RYR3: variants seen among roughly 807,000 people sequenced by gnomAD.
RYR3 encodes ryanodine receptor 3.
Under a neutral mutation model 584.3 loss-of-function variants are expected in RYR3, and 207 were observed. The ratio of observed to expected loss-of-function variants is 0.35; its 90% CI spans 0.32 to 0.40. RYR3 has a LOEUF of 0.40. Ranked by LOEUF, RYR3 falls within the 10% of genes least tolerant of loss-of-function variation. The pLI is 1.00. For missense variants in RYR3, 5,616 were observed against 6,089.2 expected, an observed-to-expected ratio of 0.92 and a Z score of 2.59; for synonymous variants, 2,416 against 2,248.5, an observed-to-expected ratio of 1.07 and a Z score of -2.11.
In RYR3 at chr15:33,562,392, A is replaced by T. The variant is rs1394417621; in HGVS notation, c.973-445A>T. 1.1e-4 allele frequency among the ~76,000 whole-genome samples: 17 copies of T among 152,346 alleles called. No individual in the cohort carries two copies. In the East Asian group the frequency reaches 3.1e-3, roughly 28 times the overall value. On this transcript the variant is annotated intron_variant, in intron 10 of 103. Transcript: ENST00000634891. The stretch of plus-strand genomic sequence containing the variant: ...TTATAAGAAATTTTTACATGAAATC[A>T]ATAGATATGATGAAAGCCTCTGAGT...
At chr15:33,728,808 G>A in intron 46 of RYR3, 49 bp from the exon 47 acceptor site, 1 of 1,550,222 alleles carries the variant, frequency 6.5e-7, no homozygotes, top group Non-Finnish European at 8.8e-7. Flanking sequence ...TATCTTTTGA[G>A]ACTTTGGAGA....
chr15:33,843,667 A>G, intron 92 of RYR3, 93 bp downstream of exon 92: 1 of 910,814 alleles, frequency 1.1e-6, no homozygotes, highest in Non-Finnish European at 1.7e-6. Flanking sequence ...TGTGCTCTTA[A>G]TTGTAGCAAA....
intron 31 of RYR3, among the ~76,000 whole-genome samples, chr15:33,652,345 T>A (rs980315957): frequency 1.3e-5 from 2 of 152,158 alleles, no homozygotes; most frequent in Admixed American, 6.5e-5. Flanking sequence ...CAAATCCCCA[T>A]ATAAGTTTGC....
rs77695029 is a variant in RYR3, at chr15:33,498,975, C to T, written c.172-4656C>T. ...GTTCTTAATGCCTTTGTCAAAAATC[C>T]GTTTAGCCTTCTTAACACTGGACCT... On this transcript the variant is annotated intron_variant, in intron 2 of 103. Transcript: ENST00000634891. Among the ~76,000 whole-genome samples, 85 of 152,116 alleles carry T rather than the reference C, an allele frequency of 5.6e-4. 1 individual carries two copies. Among genetic ancestry groups the T allele is most frequent in the Middle Eastern group, 3.4e-3 (1 of 294 alleles).
chr15:33,581,796 G>C (rs2058608337), intron 14 of RYR3, among the ~76,000 whole-genome samples, 153 bp downstream of exon 14: 1 of 152,124 alleles, frequency 6.6e-6, no homozygotes, highest in African/African-American at 2.4e-5. Context: ...TTTTAACCCA[G>C]CTGTTCATTC....
rs775696913 is a variant in RYR3 at position 33,644,417 on chromosome 15, C to T, written c.3663C>T (p.Gly1221=). The change falls in exon 28 of 104, where the codon GGC becomes GGT. Residue 1221 remains glycine (G), a synonymous_variant. Transcript: ENST00000634891. ...KFYTMCGLQE[G]FEPFAVNMNR... Reference sequence around the variant, plus strand: ...ATACCATGTGCGGTCTCCAAGAGGGCTTTGAGCCTTTTGCTGTCAACATGA... The same window carrying T: ...ATACCATGTGCGGTCTCCAAGAGGGTTTTGAGCCTTTTGCTGTCAACATGA... 1 of 1,613,654 alleles carries T rather than the reference C, an allele frequency of 6.2e-7. No homozygotes were observed. The highest frequency in any genetic ancestry group is 8.5e-7 in the Non-Finnish European group (1 of 1,179,760).
intron 69 of RYR3, among the ~76,000 whole-genome samples, chr15:33,805,579 A>T (rs7162282): frequency 6.7e-6 from 1 of 149,806 alleles, no homozygotes; most frequent in South Asian, 2.1e-4. Flanking sequence ...CCTGGTTCAC[A>T]CCATTCTCCT....
chr15:33,785,615 C>T, intron 65 of RYR3, 47 bp from the exon 66 acceptor site: 1 of 1,437,730 alleles, frequency 7.0e-7, no homozygotes, highest in Non-Finnish European at 9.3e-7. Context: ...AAGCTTGCAC[C>T]CACTGTGCTT....
At chr15:33,619,135 T>C (rs560409447) in intron 19 of RYR3, among the ~76,000 whole-genome samples, 80 of 152,298 alleles carry the variant, frequency 5.3e-4, no homozygotes, top group African/African-American at 1.8e-3. Context: ...GTAAACACTT[T>C]AGGAAGGAAA....
intron 67 of RYR3, among the ~76,000 whole-genome samples, chr15:33,790,760 G>A (rs1392828797): frequency 6.6e-6 from 1 of 152,160 alleles, no homozygotes; most frequent in Non-Finnish European, 1.5e-5. Context: ...GTAAAGGATT[G>A]AGGAAGAGAC....
chr15:33,746,044 T>A, intron 52 of RYR3, 24 bp from the exon 53 acceptor site: 1 of 1,525,124 alleles, frequency 6.6e-7, no homozygotes, highest in Non-Finnish European at 9.0e-7. Context: ...GCCAAGGATA[T>A]TTGAACTGAG....
In RYR3 at chr15:33,636,328, G is replaced by A. The variant is rs760564983; in HGVS notation, c.3382-48G>A. 50 of 1,507,086 alleles carry A rather than the reference G, an allele frequency of 3.3e-5. No homozygotes were observed. The East Asian group carries it at 5.6e-4, about 17-fold the overall frequency. The allele number at this position is 1,507,086 out of a possible 1,614,324, so 93.4% of individuals were successfully genotyped here. ...ATATGGTCATTTCTCCAGCTGCTGG[G>A]GCCTCTAGAGACTCCATTTCTCTAA... On this transcript the variant is annotated intron_variant, in intron 26 of 103. Transcript: ENST00000634891.
intron 2 of RYR3, among the ~76,000 whole-genome samples, chr15:33,492,809 A>C (rs943743141): frequency 6.6e-6 from 1 of 151,216 alleles, no homozygotes; most frequent in South Asian, 2.1e-4. Flanking sequence ...CCAGTTTGGC[A>C]TTTCCTCAGC....
chr15:33,713,972 G>T (rs916184327), intron 43 of RYR3, among the ~76,000 whole-genome samples: 5 of 152,136 alleles, frequency 3.3e-5, no homozygotes, highest in Non-Finnish European at 7.3e-5. Context: ...ATTTTGGAGG[G>T]TGGGGGGGAC....
chr15:33,633,648 C>T (rs1267023844), intron 24 of RYR3, among the ~76,000 whole-genome samples: 2 of 152,138 alleles, frequency 1.3e-5, no homozygotes, highest in East Asian at 3.8e-4. Context: ...CATCTGGAAG[C>T]CAGGAAGAAC....
chr15:33,479,057 A>C (rs2049706821), intron 2 of RYR3, among the ~76,000 whole-genome samples: 1 of 151,378 alleles, frequency 6.6e-6, no homozygotes, highest in Admixed American at 6.6e-5. Flanking sequence ...TTTCAAATCC[A>C]ATGGAAATTT....
intron 72 of RYR3, 109 bp downstream of exon 72, chr15:33,811,146 G>C (rs894431150): frequency 1.9e-5 from 18 of 926,294 alleles, no homozygotes; most frequent in East Asian, 1.6e-4. Flanking sequence ...TCCAAAAACA[G>C]TTTGGGGGTA....
chr15:33,759,595 GA>G (rs1316461366), intron 60 of RYR3, among the ~76,000 whole-genome samples: 1 of 152,036 alleles, frequency 6.6e-6, no homozygotes, highest in Admixed American at 6.5e-5. Flanking sequence ...CAAGATTAGA[GA>G]AAAAAATGAA....
chr15:33,516,999 T>C (rs558184803), intron 3 of RYR3, among the ~76,000 whole-genome samples: 9 of 152,284 alleles, frequency 5.9e-5, no homozygotes, highest in African/African-American at 2.2e-4. Context: ...TTATTATTAT[T>C]ATTATTTTTT....
Sources: gnomAD v4.1 joint callset for allele counts (sites outside exome capture counted in the v4.1 genomes callset) on GRCh38, gnomAD v4.1.1 for gene constraint, MANE v1.5 for transcripts, NCBI Gene and HGNC (gene_info 2026-07-23, HGNC 2026-07-21) for gene names.